Variants in TMEM150C observed in about 807,000 individuals in gnomAD.
TMEM150C encodes tentonin 3.
In TMEM150C, 10 loss-of-function variants were observed where a neutral mutation model predicts 29.9. The ratio of observed to expected loss-of-function variants is 0.33; its 90% CI spans 0.21 to 0.57. TMEM150C has a LOEUF of 0.57. TMEM150C is among the 20% of genes least tolerant of loss of function. TMEM150C has a pLI of 0.88. For synonymous variants in TMEM150C, 101 were observed against 112.5 expected, an observed-to-expected ratio of 0.90 and a Z score of 0.64; for missense variants, 251 against 303.6, an observed-to-expected ratio of 0.83 and a Z score of 1.29.
At chr4:82,491,139 T>A in intron 6 of TMEM150C, 1 of 702,722 alleles carries the variant, frequency 1.4e-6, no homozygotes, top group Middle Eastern at 3.8e-4. Flanking sequence ...CTCGATGGGA[T>A]CCACATCGTG....
At chr4:82,498,592 AT>A in intron 5 of TMEM150C, among the ~76,000 whole-genome samples, 1 of 151,662 alleles carries the variant, frequency 6.6e-6, no homozygotes, top group South Asian at 2.1e-4. Flanking sequence ...TGGCTGGCTA[AT>A]TTTTTTTTAA....
Position 82,502,808 on chromosome 4 carries a change from A to T in TMEM150C, c.168-14T>A. 1.3e-6 allele frequency: 2 copies of T among 1,595,522 alleles called. No homozygotes were observed. The highest frequency in any genetic ancestry group is 1.7e-6 in the Non-Finnish European group (2 of 1,170,090). On this transcript the variant is annotated splice_polypyrimidine_tract_variant and intron_variant, in intron 4 of 7. Transcript: ENST00000449862. ...TCACCTGCAATGCTTGAAAAAGATG[A>T]AATGTTTTATAGTTACTATATCAAA...
At chr4:82,557,171 A>G (rs370441511) in intron 1 of TMEM150C, among the ~76,000 whole-genome samples, 2 of 152,228 alleles carry the variant, frequency 1.3e-5, no homozygotes, top group East Asian at 3.8e-4. Context: ...TAAAAATGGA[A>G]ACAACATGCT....
At chr4:82,547,737 G>A (rs1040060725) in intron 1 of TMEM150C, among the ~76,000 whole-genome samples, 2 of 152,244 alleles carry the variant, frequency 1.3e-5, no homozygotes, top group East Asian at 1.9e-4. Flanking sequence ...AAAAGGGAAT[G>A]CTTAGGAACT....
At chr4:82,549,390 C>T (rs1725495238) in intron 1 of TMEM150C, among the ~76,000 whole-genome samples, 1 of 152,086 alleles carries the variant, frequency 6.6e-6, no homozygotes, top group East Asian at 1.9e-4. Flanking sequence ...CCATATGATT[C>T]CACTTATATG....
intron 1 of TMEM150C, among the ~76,000 whole-genome samples, chr4:82,539,244 C>T (rs181725943): frequency 4.1e-4 from 63 of 152,182 alleles, no homozygotes; most frequent in African/African-American, 1.1e-3. Flanking sequence ...TCCTATTAAA[C>T]AAAATTAGGA....
chr4:82,526,372 A>C (rs1490298759), intron 1 of TMEM150C, among the ~76,000 whole-genome samples: 1 of 152,214 alleles, frequency 6.6e-6, no homozygotes, highest in Non-Finnish European at 1.5e-5. Context: ...GGTACTTTGA[A>C]TGGTCAAACA....
At chr4:82,509,182 A>G (rs1371198925) in intron 1 of TMEM150C, among the ~76,000 whole-genome samples, 1 of 152,204 alleles carries the variant, frequency 6.6e-6, no homozygotes, top group African/African-American at 2.4e-5. Context: ...GTGAGACTGC[A>G]CAGTGGGGCT....
intron 1 of TMEM150C, among the ~76,000 whole-genome samples, chr4:82,533,858 T>A (rs1724926718): frequency 6.6e-6 from 1 of 152,232 alleles, no homozygotes; most frequent in Non-Finnish European, 1.5e-5. Flanking sequence ...GGAAAAAAGT[T>A]ACCTATCAGT....
chr4:82,485,424 A>T lies in TMEM150C; in HGVS notation c.*87T>A. The T allele has an allele frequency of 2.6e-5, 23 of 889,682 alleles. No individual in the cohort carries two copies. The highest frequency in any genetic ancestry group is 3.9e-5 in the Non-Finnish European group (22 of 570,402). The allele number at this position is 889,682 out of a possible 1,614,324, so 55.1% of individuals were successfully genotyped here. ...TGTGTGTGTGTGTGTGTGTGAAATG[A>T]GGTTCTATGTCAAGTCCTGTGAGTG... On this transcript the variant is annotated 3_prime_UTR_variant, in exon 8 of 8. Transcript: ENST00000449862.
At chr4:82,495,878 A>T (rs1052396314) in intron 6 of TMEM150C, 190 bp downstream of exon 6, 7 of 666,814 alleles carry the variant, frequency 1.0e-5, no homozygotes, top group Middle Eastern at 3.0e-4. Context: ...GCTAGGAAGG[A>T]GCTGTTCAGC....
At chr4:82,534,228 A>G (rs1724938342) in intron 1 of TMEM150C, among the ~76,000 whole-genome samples, 1 of 152,218 alleles carries the variant, frequency 6.6e-6, no homozygotes, top group African/African-American at 2.4e-5. Flanking sequence ...ACAGCTAGAA[A>G]TAACAAGTAT....
chr4:82,490,067 C>A lies in TMEM150C; in HGVS notation c.535G>T (p.Val179Phe), dbSNP rs1179270343. ...TTTCACGTTCAAAGGATACAGAGGA[C>A]CACACAGAGAGTGATAGATGCCGAC... ...ILSASITLCV[V>F]LYFILMAQSI... is the part of the protein sequence containing the mutation. The change falls in exon 7 of 8, where the codon GTC becomes TTC. Residue 179 changes from valine (V) to phenylalanine (F), a missense_variant. By Grantham distance (50) the Val-to-Phe change is conservative (BLOSUM62 -1). Transcript: ENST00000449862. 3 of 1,613,696 alleles carry A rather than the reference C, an allele frequency of 1.9e-6. No individual in the cohort carries two copies. The African/African-American group carries it at 4.0e-5, about 22-fold the overall frequency.
intron 5 of TMEM150C, 87 bp downstream of exon 5, chr4:82,502,640 C>A (rs764391320): frequency 1.4e-5 from 18 of 1,294,128 alleles, no homozygotes; most frequent in Non-Finnish European, 1.8e-5. Context: ...AAATAAGCCC[C>A]CCATTGTTTT....
intron 6 of TMEM150C, chr4:82,494,942 C>G: frequency 1.7e-6 from 1 of 589,900 alleles, no homozygotes; most frequent in Non-Finnish European, 3.1e-6. Flanking sequence ...CCTTCATTCT[C>G]TTGGCCGAAA....
intron 7 of TMEM150C, 86 bp from the exon 8 acceptor site, chr4:82,485,805 G>A: frequency 1.5e-6 from 2 of 1,291,884 alleles, no homozygotes; most frequent in Non-Finnish European, 1.1e-6. Context: ...TATAGGAAAA[G>A]TCTGGCTTTC....
intron 1 of TMEM150C, among the ~76,000 whole-genome samples, chr4:82,532,567 G>C (rs764306418): frequency 2.6e-5 from 4 of 152,006 alleles, no homozygotes; most frequent in Non-Finnish European, 5.9e-5. Flanking sequence ...GCGTTATAAA[G>C]TATCTATAAT....
chr4:82,521,814 C>T (rs1724496952), intron 1 of TMEM150C, among the ~76,000 whole-genome samples: 1 of 152,128 alleles, frequency 6.6e-6, no homozygotes, highest in African/African-American at 2.4e-5. Flanking sequence ...GGACAGAACG[C>T]TCAGGAGGGG....
chr4:82,485,660 C>T lies in TMEM150C; in HGVS notation c.601G>A (p.Val201Ile), dbSNP rs1001770172. The T allele has an allele frequency of 7.5e-6, 12 of 1,609,548 alleles. No homozygotes were observed. The highest frequency in any genetic ancestry group is 1.1e-5 in the South Asian group (1 of 89,892). Residue 201 changes from valine to isoleucine, a missense_variant, in exon 8 of 8, where the codon GTC (valine) becomes ATC (isoleucine). By Grantham distance (29) the Val-to-Ile change is conservative. Transcript: ENST00000449862. ...MYAARVQWGL[V>I]MCFLSYFGTF... ...CCAAAATAAGACAGGAAGCACATGA[C>T]CAGGCCCCACTGGACCCTGGCTGCA...
Sources: allele counts gnomAD v4.1 joint callset (sites outside exome capture counted in the v4.1 genomes callset), GRCh38; gene constraint gnomAD v4.1.1; transcripts MANE v1.5; gene names NCBI Gene and HGNC (gene_info 2026-07-23, HGNC 2026-07-21).